Variants in KIR2DL4 observed in about 807,000 individuals in gnomAD.
KIR2DL4 encodes the protein killer cell immunoglobulin like receptor, two Ig domains and long cytoplasmic tail 4, also known as killer cell immunoglobulin-like receptor 2DL4.
A neutral mutation model predicts 31.0 loss-of-function variants in KIR2DL4; 41 were observed. The observed-to-expected ratio is 1.32, with a 90% confidence interval of 1.03 to 1.72. KIR2DL4 has a LOEUF of 1.72. Ranked by LOEUF, KIR2DL4 falls within the 40% of genes most tolerant of loss-of-function variation. The pLI is 0.00. For missense variants in KIR2DL4, 438 were observed against 353.7 expected (o/e 1.24, Z -1.91); for synonymous variants, 164 against 133.6 (o/e 1.23, Z -1.57).
exon 8 of KIR2DL4, chr19:54,814,425 C>A (rs1341593650): frequency 2.6e-6 from 1 of 383,358 alleles, no homozygotes; most frequent in African/African-American, 2.1e-5. Flanking sequence ...TTTCCTCAGA[C>A]TATTTTTCAG....
At chr19:54,813,950 A>G in exon 8 of KIR2DL4, 1 of 1,612,444 alleles carries the variant, frequency 6.2e-7, no homozygotes, top group Non-Finnish European at 8.5e-7. Context: ...GAGACCCTCA[A>G]CAGATACCAG....
chr19:54,813,334 G>A, intron 6 of KIR2DL4: 1 of 1,539,360 alleles, frequency 6.5e-7, no homozygotes, highest in African/African-American at 1.4e-5. Context: ...TCTGGCCCAA[G>A]GCAGGAGCCA....
At chr19:54,814,019 CA>C in exon 8 of KIR2DL4, 1 of 1,612,350 alleles carries the variant, frequency 6.2e-7, no homozygotes, top group East Asian at 2.2e-5. Context: ...CCATGAGCAC[CA>C]CAGTCAGGCC....
exon 8 of KIR2DL4, chr19:54,814,100 G>C: frequency 2.5e-6 from 4 of 1,611,168 alleles, no homozygotes; most frequent in Non-Finnish European, 3.4e-6. Flanking sequence ...TGTACCAGCA[G>C]CTGGAATCTG....
intron 2 of KIR2DL4, among the ~76,000 whole-genome samples, chr19:54,804,149 G>GGAGTCTCTCA (rs1216606664): frequency 1.1e-4 from 16 of 150,266 alleles, no homozygotes; most frequent in African/African-American, 2.2e-4. Flanking sequence ...GGAGATCCTG[G>GGAGTCTCTCA]TATGCTCAGC....
At chr19:54,808,515 G>C (rs373211160) in intron 4 of KIR2DL4, among the ~76,000 whole-genome samples, 4,871 of 150,002 alleles carry the variant, frequency 0.032, 222 homozygotes, top group South Asian at 0.11. Flanking sequence ...ATGTAAATGG[G>C]TGGATTACAT....
intron 6 of KIR2DL4, chr19:54,813,416 G>A (rs372003550): frequency 1.2e-5 from 10 of 834,398 alleles, no homozygotes; most frequent in Non-Finnish European, 1.7e-5. Flanking sequence ...TTGCCTGATT[G>A]TGAACTGTAT....
chr19:54,808,796 C>A, intron 4 of KIR2DL4, 37 bp from the exon 5 acceptor site: 3 of 1,426,410 alleles, frequency 2.1e-6, no homozygotes, highest in East Asian at 4.6e-5. Flanking sequence ...AGACAGGCAT[C>A]CTCATTGCCA....
exon 3 of KIR2DL4, chr19:54,804,799 A>G: frequency 6.2e-7 from 1 of 1,611,694 alleles, no homozygotes; most frequent in Non-Finnish European, 8.5e-7. Context: ...CAAGGTGGTC[A>G]GGACAAGCCC....
At chr19:54,813,997 G>C in exon 8 of KIR2DL4, 7 of 1,611,326 alleles carry the variant, frequency 4.3e-6, no homozygotes, top group Non-Finnish European at 5.9e-6. Flanking sequence ...AGCCCAGAGC[G>C]TTGTCTCCTG....
exon 8 of KIR2DL4, chr19:54,814,192 G>A: frequency 6.8e-7 from 1 of 1,465,976 alleles, no homozygotes; most frequent in Non-Finnish European, 9.4e-7. Flanking sequence ...CAATGTCTAA[G>A]GTCCCCACTG....
exon 3 of KIR2DL4, chr19:54,804,913 A>T: frequency 6.2e-7 from 1 of 1,612,286 alleles, no homozygotes; most frequent in Non-Finnish European, 8.5e-7. Flanking sequence ...TACAAGAAAG[A>T]TGGGGTCCCT....
At position 54,805,941 on chromosome 19, in the gene KIR2DL4, C is replaced by T. The variant is rs1174724749; in HGVS notation, c.362-10C>T. On this transcript the variant is annotated splice_polypyrimidine_tract_variant and intron_variant, in intron 3 of 7. Transcript: ENST00000359085. ...AACCTCCCTGAGGAAACTGCCTCTT[C>T]TCCTTCCAGGTCTATATGAGAAACC... 8.8e-6 allele frequency: 14 copies of T among 1,591,584 alleles called. No homozygotes were observed. The highest frequency in any genetic ancestry group is 1.1e-5 in the Non-Finnish European group (13 of 1,171,804).
rs565650809 is a variant in KIR2DL4 at position 54,809,927 on chromosome 19, G to C, written c.706+1044G>C. 4.9e-4 allele frequency among the ~76,000 whole-genome samples: 74 copies of C among 149,566 alleles called. 2 individuals carry two copies. The South Asian group carries it at 0.016, about 32-fold the overall frequency. ...AAATAACATATTCACAAGATATGGC[G>C]ACTAGGACAGGAATATTTTGGGGTG... On this transcript the variant is annotated intron_variant, in intron 5 of 7. Transcript: ENST00000359085.
chr19:54,808,453 G>T (rs1287022488), intron 4 of KIR2DL4, among the ~76,000 whole-genome samples: 1 of 151,010 alleles, frequency 6.6e-6, no homozygotes, highest in Non-Finnish European at 1.5e-5. Flanking sequence ...TTATTGAAAT[G>T]ACTGTCCTTT....
exon 6 of KIR2DL4, chr19:54,813,187 C>A: frequency 1.3e-6 from 2 of 1,537,400 alleles, no homozygotes; most frequent in Non-Finnish European, 1.8e-6. Context: ...CTTTACCATC[C>A]TTCCCTTCTT....
In KIR2DL4 at chr19:54,803,668, C is replaced by T. The variant is rs779579931; in HGVS notation, c.17C>T (p.Thr6Met). Residue 6 changes from threonine (T) to methionine (M), a missense_variant, in exon 1 of 8, where the codon ACG becomes ATG. Coordinates refer to ENST00000359085, the Ensembl canonical transcript of KIR2DL4. Reference sequence around the variant, plus strand: ...AGCTGCACCATGTCCATGTCACCCACGGTCATCATCCTGGCATGTCTTGGT... The same window carrying T: ...AGCTGCACCATGTCCATGTCACCCATGGTCATCATCCTGGCATGTCTTGGT... The T allele has an allele frequency of 6.7e-5, 108 of 1,612,160 alleles. 2 individuals carry two copies. The highest frequency in any genetic ancestry group is 8.0e-5 in the Non-Finnish European group (94 of 1,179,588).
At chr19:54,810,374 G>A (rs1185497226) in intron 5 of KIR2DL4, among the ~76,000 whole-genome samples, 12 of 151,214 alleles carry the variant, frequency 7.9e-5, no homozygotes, top group South Asian at 6.3e-4. Flanking sequence ...GGATCCGCCC[G>A]TCTCAGCCTC....
At chr19:54,810,831 T>C (rs376580164) in intron 5 of KIR2DL4, among the ~76,000 whole-genome samples, 1 of 151,294 alleles carries the variant, frequency 6.6e-6, no homozygotes, top group Non-Finnish European at 1.5e-5. Flanking sequence ...GGTGCATAAC[T>C]GGAATCTAGG....
Sources: allele counts gnomAD v4.1 joint callset (sites outside exome capture counted in the v4.1 genomes callset), GRCh38; gene constraint gnomAD v4.1.1; transcripts MANE v1.5; gene names NCBI Gene and HGNC (gene_info 2026-07-23, HGNC 2026-07-21).